The following DNAH9 variants were observed in gnomAD, a reference collection of about 807,000 sequenced individuals.
DNAH9 encodes the protein dynein axonemal heavy chain 9, also known as DNAH9 variant protein.
A neutral mutation model predicts 471.6 loss-of-function variants in DNAH9; 345 were observed. That is an observed-to-expected ratio of 0.73 (90% confidence interval 0.67 to 0.80). DNAH9 has a LOEUF of 0.80. DNAH9 is among the 30% of genes least tolerant of loss of function. The pLI is 0.00. For synonymous variants in DNAH9, 2,093 were observed against 2,123.6 expected (o/e 0.99, Z 0.40); for missense variants, 5,407 against 5,609.2 (o/e 0.96, Z 1.15).
intron 49 of DNAH9, among the ~76,000 whole-genome samples, chr17:11,843,130 G>A (rs1164702545): frequency 2.0e-5 from 3 of 152,288 alleles, no homozygotes; most frequent in African/African-American, 4.8e-5. Flanking sequence ...TAGAGAAAGT[G>A]CAATGACAGC....
At chr17:11,651,004 G>T in intron 12 of DNAH9, 65 bp from the exon 13 acceptor site, 1 of 1,545,486 alleles carries the variant, frequency 6.5e-7, no homozygotes, top group South Asian at 1.2e-5. Context: ...TCCAGTCTTT[G>T]ACCAATGCTG....
chr17:11,955,081 T>C (rs963181760), intron 67 of DNAH9, among the ~76,000 whole-genome samples: 1 of 152,116 alleles, frequency 6.6e-6, no homozygotes, highest in Non-Finnish European at 1.5e-5. Flanking sequence ...AGTGGTATAA[T>C]TTTGAAGTTA....
intron 17 of DNAH9, among the ~76,000 whole-genome samples, chr17:11,670,624 A>T (rs1033745908): frequency 1.3e-5 from 2 of 152,142 alleles, no homozygotes. Flanking sequence ...TGAGAATTTT[A>T]TCTATCTACA....
At chr17:11,642,505 TTG>T in intron 10 of DNAH9, among the ~76,000 whole-genome samples, 1 of 152,124 alleles carries the variant, frequency 6.6e-6, no homozygotes, top group East Asian at 1.9e-4. Context: ...TGAGCCGAGA[TTG>T]CGCCATTGCA....
chr17:11,967,704 G>C (rs1011202222), intron 68 of DNAH9, among the ~76,000 whole-genome samples: 2 of 152,028 alleles, frequency 1.3e-5, no homozygotes, highest in Non-Finnish European at 1.5e-5. Flanking sequence ...TTCCACAAAA[G>C]ACACGTTTTA....
chr17:11,624,581 AC>A (rs1179737640), intron 6 of DNAH9, among the ~76,000 whole-genome samples: 3 of 152,172 alleles, frequency 2.0e-5, no homozygotes, highest in African/African-American at 7.2e-5. Context: ...TAAATCTGAT[AC>A]ATAAATGAGC....
rs535276355 is a variant in DNAH9, at chr17:11,708,898, A to G, written c.5552+3713A>G. ...ACTCCCAGGACCTAGCACTGTGTCTAGCACACAATGGGCACTCAAGAAATA... is the reference window on the plus strand; with the variant it reads ...ACTCCCAGGACCTAGCACTGTGTCTGGCACACAATGGGCACTCAAGAAATA... On this transcript the variant is annotated intron_variant, in intron 26 of 68. Coordinates refer to ENST00000262442, the MANE Select transcript of DNAH9 (RefSeq NM_001372.4). Among the ~76,000 whole-genome samples the G allele has an allele frequency of 1.1e-4, 16 of 152,286 alleles. 1 individual carries two copies. The South Asian group carries it at 2.7e-3, about 26-fold the overall frequency.
chr17:11,910,051 C>T (rs897005737), intron 61 of DNAH9, among the ~76,000 whole-genome samples: 12 of 152,142 alleles, frequency 7.9e-5, no homozygotes, highest in Admixed American at 5.2e-4. Flanking sequence ...GTCAGGAGAT[C>T]GAGACCATCC....
intron 6 of DNAH9, among the ~76,000 whole-genome samples, chr17:11,621,493 G>A (rs983005952): frequency 1.2e-4 from 19 of 152,040 alleles, no homozygotes; most frequent in Non-Finnish European, 2.5e-4. Flanking sequence ...AGCAGGTTTG[G>A]AGGAAAGAGA....
At chr17:11,603,650 C>T (rs547893999) in intron 1 of DNAH9, among the ~76,000 whole-genome samples, 32 of 152,322 alleles carry the variant, frequency 2.1e-4, no homozygotes, top group Non-Finnish European at 4.3e-4. Flanking sequence ...AAGCAAAATC[C>T]TCCTTTCATC....
At chr17:11,907,994 T>TCTGTGTC (rs1382282074) in intron 61 of DNAH9, among the ~76,000 whole-genome samples, 1 of 152,222 alleles carries the variant, frequency 6.6e-6, no homozygotes, top group Non-Finnish European at 1.5e-5. Flanking sequence ...CTGTGTTCTG[T>TCTGTGTC]CTGTGTCGTC....
chr17:11,949,613 C>G (rs561438853), intron 67 of DNAH9, among the ~76,000 whole-genome samples: 1 of 152,120 alleles, frequency 6.6e-6, no homozygotes, highest in South Asian at 2.1e-4. Context: ...TCCTGAGTAG[C>G]TGGGATTACA....
intron 67 of DNAH9, among the ~76,000 whole-genome samples, chr17:11,958,400 T>C (rs1179770882): frequency 6.6e-6 from 1 of 152,210 alleles, no homozygotes; most frequent in Non-Finnish European, 1.5e-5. Flanking sequence ...ACTGTAACGG[T>C]GGATACATAC....
At chr17:11,848,443 G>A (rs1971298838) in intron 49 of DNAH9, among the ~76,000 whole-genome samples, 2 of 151,570 alleles carry the variant, frequency 1.3e-5, no homozygotes, top group Non-Finnish European at 2.9e-5. Context: ...TTGAAAGGAT[G>A]GGAGTGCATA....
intron 50 of DNAH9, among the ~76,000 whole-genome samples, chr17:11,859,104 AAG>A (rs1971733207): frequency 1.3e-5 from 2 of 150,208 alleles, no homozygotes; most frequent in Admixed American, 6.7e-5. Flanking sequence ...AAAAAAAAAA[AAG>A]AGTAATGACA....
chr17:11,661,260 A>G (rs1168206124), intron 14 of DNAH9, among the ~76,000 whole-genome samples: 1 of 151,814 alleles, frequency 6.6e-6, no homozygotes, highest in Non-Finnish European at 1.5e-5. Context: ...CATTATTCTT[A>G]CTTTTTGTAT....
chr17:11,611,566 C>G lies in DNAH9; in HGVS notation c.774-84C>G, dbSNP rs2072637407. 2.1e-6 allele frequency: 3 copies of G among 1,416,636 alleles called. No homozygotes were observed. In the South Asian group the frequency reaches 3.8e-5, roughly 18 times the overall value. 87.8% of individuals were successfully genotyped at this position (1,416,636 alleles called of 1,614,324 possible). ...AAGCACCCCGAGGCAGGGCTCCTCT[C>G]TTTCTGTGTGACGATGGGTCATCAC... On this transcript the variant is annotated intron_variant, in intron 3 of 68. Transcript: ENST00000262442.
chr17:11,789,560 T>C lies in DNAH9; in HGVS notation c.8062-3943T>C, dbSNP rs745462034. 2.2e-4 allele frequency among the ~76,000 whole-genome samples: 33 copies of C among 152,156 alleles called. 1 individual carries two copies. In the South Asian group the frequency reaches 4.1e-3, roughly 19 times the overall value. On this transcript the variant is annotated intron_variant, in intron 41 of 68. Coordinates refer to ENST00000262442, the MANE Select transcript of DNAH9 (RefSeq NM_001372.4). ...GTATTAAGTGTGTCTTTTCTCTTTT[T>C]TTCTCTTCTATCATCCTTGCTAGGG...
intron 53 of DNAH9, among the ~76,000 whole-genome samples, chr17:11,876,600 G>A (rs906280336): frequency 2.6e-5 from 4 of 152,198 alleles, no homozygotes; most frequent in African/African-American, 9.7e-5. Flanking sequence ...GGTTCCCAGG[G>A]TAGCCAAATT....
Sources: allele counts gnomAD v4.1 joint callset (sites outside exome capture counted in the v4.1 genomes callset), GRCh38; gene constraint gnomAD v4.1.1; transcripts MANE v1.5; gene names NCBI Gene and HGNC (gene_info 2026-07-23, HGNC 2026-07-21).